The following ARHGAP31 variants were observed in gnomAD, a reference collection of about 807,000 sequenced individuals.
ARHGAP31 encodes the protein rho GTPase-activating protein 31.
In ARHGAP31, 34 loss-of-function variants were observed where a neutral mutation model predicts 113.9. The observed-to-expected ratio is 0.30, with a 90% CI of 0.23 to 0.40. The LOEUF is 0.40. ARHGAP31 is among the 10% of genes least tolerant of loss of function. The pLI is 1.00. For synonymous variants in ARHGAP31, 650 were observed against 684.8 expected (o/e 0.95, Z 0.79); for missense variants, 1,548 against 1,767.1 (o/e 0.88, Z 2.22).
In ARHGAP31 at chr3:119,416,438, G is replaced by T; in HGVS notation, c.*174G>T. The stretch of plus-strand genomic sequence containing the variant: ...TAATTAGTCCATTTGCTAGAAGAGT[G>T]GTCAAGGGAAAAACGAGAGATGAAA... On this transcript the variant is annotated 3_prime_UTR_variant, in exon 12 of 12. Coordinates refer to ENST00000264245, the MANE Select transcript of ARHGAP31 (RefSeq NM_020754.4). The T allele has an allele frequency of 1.1e-6, 1 of 913,122 alleles. No individual in the cohort carries two copies. The highest frequency in any genetic ancestry group is 1.7e-6 in the Non-Finnish European group (1 of 600,650). The allele number at this position is 913,122 out of a possible 1,614,324, so 56.6% of individuals were successfully genotyped here. A position where few individuals can be genotyped will look rare whatever the true frequency, so the allele number is the denominator to read the frequency against.
chr3:119,341,241 G>T (rs2080005413), intron 1 of ARHGAP31, among the ~76,000 whole-genome samples: 1 of 152,176 alleles, frequency 6.6e-6, no homozygotes, highest in Admixed American at 6.5e-5. Context: ...TCCTAAAGGG[G>T]TGGGGAGGAG....
At chr3:119,316,810 T>A (rs769174537) in intron 1 of ARHGAP31, among the ~76,000 whole-genome samples, 3 of 152,110 alleles carry the variant, frequency 2.0e-5, no homozygotes, top group Non-Finnish European at 4.4e-5. Flanking sequence ...TGCTTTGGAG[T>A]GAAATTTATC....
At chr3:119,365,236 G>C in intron 1 of ARHGAP31, 80 bp from the exon 2 acceptor site, 1 of 1,208,328 alleles carries the variant, frequency 8.3e-7, no homozygotes, top group Non-Finnish European at 1.2e-6. Context: ...GAAGGTACCT[G>C]GATTTTTAAA....
chr3:119,414,582 C>G lies in ARHGAP31; in HGVS notation c.2653C>G (p.Pro885Ala), dbSNP rs532541102. ...GGATGTAACCCATTCAGTACAGGAG[C>G]CTTCAGACTGTGACGAAGATGACAC... is the stretch of plus-strand genomic sequence containing the variant. ...EEDVTHSVQE[P>A]SDCDEDDTVT... is the part of the protein sequence containing the mutation. Residue 885 changes from proline to alanine, a missense_variant, in exon 12 of 12, where the codon CCT (proline) becomes GCT (alanine). Coordinates refer to ENST00000264245, the MANE Select transcript of ARHGAP31 (RefSeq NM_020754.4). The G allele has an allele frequency of 7.1e-5, 115 of 1,614,236 alleles. No homozygotes were observed. The highest frequency in any genetic ancestry group is 3.5e-5 in the Non-Finnish European group (41 of 1,180,038).
chr3:119,368,622 A>G (rs1439844066), intron 3 of ARHGAP31, 106 bp downstream of exon 3: 1 of 1,415,010 alleles, frequency 7.1e-7, no homozygotes, highest in Non-Finnish European at 9.9e-7. Context: ...GATGGTTGAC[A>G]TTATCTTAGC....
At chr3:119,395,108 A>T (rs1019981683) in intron 8 of ARHGAP31, among the ~76,000 whole-genome samples, 6 of 152,206 alleles carry the variant, frequency 3.9e-5, no homozygotes, top group Non-Finnish European at 7.3e-5. Flanking sequence ...AATGTTTGAA[A>T]TTTTTAATAG....
chr3:119,395,651 A>G (rs2080544631), intron 8 of ARHGAP31, among the ~76,000 whole-genome samples: 1 of 152,086 alleles, frequency 6.6e-6, no homozygotes, highest in African/African-American at 2.4e-5. Flanking sequence ...GGTATCCTTC[A>G]CTGAGCCACA....
chr3:119,323,210 CG>C (rs1272395617), intron 1 of ARHGAP31, among the ~76,000 whole-genome samples: 3 of 152,190 alleles, frequency 2.0e-5, no homozygotes, highest in Non-Finnish European at 4.4e-5. Flanking sequence ...GGAACGCCCT[CG>C]GGGACGGCTG....
chr3:119,355,198 C>T (rs2080144706), intron 1 of ARHGAP31, among the ~76,000 whole-genome samples: 1 of 152,234 alleles, frequency 6.6e-6, no homozygotes, highest in African/African-American at 2.4e-5. Flanking sequence ...TTCCTAGCTC[C>T]AGGCCATTGG....
rs900977557 is a variant in ARHGAP31 at position 119,393,299 on chromosome 3, C to T, written c.882-168C>T. Among the ~76,000 whole-genome samples, 15 of 152,140 alleles carry T rather than the reference C, an allele frequency of 9.9e-5. 1 individual carries two copies. Among genetic ancestry groups the T allele is most frequent in the Admixed American group, 9.8e-4 (15 of 15,284 alleles). ...AGCCTTGCTTGGTCACCTGGGGCAT[C>T]TCTAGACAAGGTGAGAATCAAGCTT... On this transcript the variant is annotated intron_variant, in intron 7 of 11. Coordinates refer to ENST00000264245, the MANE Select transcript of ARHGAP31 (RefSeq NM_020754.4).
In ARHGAP31 at chr3:119,417,636, C is replaced by G. The variant is rs551189186; in HGVS notation, c.*1372C>G. The G allele has an allele frequency of 6.6e-6, 1 of 151,856 alleles. No homozygotes were observed. The highest frequency in any genetic ancestry group is 1.5e-5 in the Non-Finnish European group (1 of 68,000). The allele number at this position is 151,856 out of a possible 1,614,324, so 9.4% of individuals were successfully genotyped here. A position where few individuals can be genotyped will look rare whatever the true frequency, so the allele number is the denominator to read the frequency against. On this transcript the variant is annotated 3_prime_UTR_variant, in exon 12 of 12. Transcript: ENST00000264245. ...CCCTTCCATAATTCCCCTCATCCAC[C>G]GCCCACTCCAGGCACTCACTCAAAC...
chr3:119,316,906 C>A (rs1210091898), intron 1 of ARHGAP31, among the ~76,000 whole-genome samples: 1 of 152,222 alleles, frequency 6.6e-6, no homozygotes, highest in East Asian at 1.9e-4. Context: ...TTTTGTGCCG[C>A]AGGTCACCCA....
In ARHGAP31 at chr3:119,294,701, AG is replaced by A. The variant is rs376641019; in HGVS notation, c.-203del. On this transcript the variant is annotated 5_prime_UTR_variant, in exon 1 of 12. Coordinates refer to ENST00000264245, the MANE Select transcript of ARHGAP31 (RefSeq NM_020754.4). The stretch of plus-strand genomic sequence containing the variant: ...CACGGCCTCGGCACGGCGGCCCCGG[AG>A]CGGCGCGGGGTGGATCTCAGGCTCT... 965 of 597,644 alleles carry A rather than the reference AG, an allele frequency of 1.6e-3. 9 individuals carry two copies. In the African/African-American group the frequency reaches 0.017, roughly 10 times the overall value. The allele number at this position is 597,644 out of a possible 1,614,324, so 37.0% of individuals were successfully genotyped here. A position where few individuals can be genotyped will look rare whatever the true frequency, so the allele number is the denominator to read the frequency against.
intron 3 of ARHGAP31, among the ~76,000 whole-genome samples, chr3:119,374,721 A>T (rs1303986334): frequency 1.3e-5 from 2 of 151,958 alleles, no homozygotes; most frequent in Non-Finnish European, 2.9e-5. Flanking sequence ...CTTCCCCTTC[A>T]CCTTCTGCCA....
intron 1 of ARHGAP31, among the ~76,000 whole-genome samples, chr3:119,333,201 A>T (rs2079912101): frequency 1.3e-5 from 2 of 152,210 alleles, no homozygotes; most frequent in South Asian, 4.1e-4. Flanking sequence ...TGTTTGTTGG[A>T]AAGAAATATT....
intron 5 of ARHGAP31, 64 bp downstream of exon 5, chr3:119,382,463 G>A (rs912956554): frequency 6.7e-7 from 1 of 1,481,492 alleles, no homozygotes; most frequent in South Asian, 1.2e-5. Flanking sequence ...CGATTGAAAT[G>A]AAGATTGGAT....
At chr3:119,371,024 C>G (rs1559982683) in intron 3 of ARHGAP31, among the ~76,000 whole-genome samples, 1 of 152,038 alleles carries the variant, frequency 6.6e-6, no homozygotes, top group Non-Finnish European at 1.5e-5. Flanking sequence ...CCTGAATCAA[C>G]AAAAAATAAT....
intron 1 of ARHGAP31, among the ~76,000 whole-genome samples, chr3:119,346,035 C>T (rs1208925080): frequency 6.6e-6 from 1 of 152,180 alleles, no homozygotes; most frequent in Non-Finnish European, 1.5e-5. Context: ...CTATTGGGTC[C>T]TGTAGCACCA....
In ARHGAP31 at chr3:119,339,214, G is replaced by A. The variant is rs539037587; in HGVS notation, c.101-26102G>A. Among the ~76,000 whole-genome samples, 14 of 152,290 alleles carry A rather than the reference G, an allele frequency of 9.2e-5. No individual in the cohort carries two copies. In the East Asian group the frequency reaches 2.7e-3, roughly 29 times the overall value. Reference sequence around the variant, plus strand: ...GAACAACAGAAGACCACAATGAAAGGCGAATTATAAGGTTGGTCAATAGTT... The same window carrying A: ...GAACAACAGAAGACCACAATGAAAGACGAATTATAAGGTTGGTCAATAGTT... On this transcript the variant is annotated intron_variant, in intron 1 of 11. Transcript: ENST00000264245.
Sources: allele counts gnomAD v4.1 joint callset (sites outside exome capture counted in the v4.1 genomes callset), GRCh38; gene constraint gnomAD v4.1.1; transcripts MANE v1.5; gene names NCBI Gene and HGNC (gene_info 2026-07-23, HGNC 2026-07-21).